Variants in SNX29 observed in about 807,000 individuals in gnomAD.
SNX29 encodes the protein sorting nexin 29.
A neutral mutation model predicts 102.1 loss-of-function variants in SNX29; 78 were observed. That is an observed-to-expected ratio of 0.76 (90% CI 0.64 to 0.92). The LOEUF (loss-of-function observed/expected upper bound fraction) is 0.92. SNX29 is among the 40% of genes least tolerant of loss of function. The pLI, the probability that SNX29 is intolerant of heterozygous loss-of-function variation, is 0.00. For synonymous variants in SNX29, 580 were observed against 414.5 expected (o/e 1.40, Z -4.85); for missense variants, 1,280 against 1,061.7 (o/e 1.21, Z -2.86).
At chr16:12,532,692 G>T (rs1046809107) in intron 20 of SNX29, among the ~76,000 whole-genome samples, 1 of 152,226 alleles carries the variant, frequency 6.6e-6, no homozygotes, top group African/African-American at 2.4e-5. Flanking sequence ...TACGAAGTCA[G>T]GGTCAGGTGC....
At chr16:12,245,342 A>G (rs1049680533) in intron 14 of SNX29, among the ~76,000 whole-genome samples, 4 of 152,170 alleles carry the variant, frequency 2.6e-5, no homozygotes, top group East Asian at 1.9e-4. Flanking sequence ...CATGATCCAT[A>G]TATTTAACAT....
chr16:12,563,117 T>C (rs80242523), intron 20 of SNX29, among the ~76,000 whole-genome samples: 39,471 of 151,550 alleles, frequency 0.26, 5,731 homozygotes, highest in East Asian at 0.44. Flanking sequence ...CAACAGAGCC[T>C]AGGAAAGGTC....
chr16:12,412,506 C>T (rs111407562), intron 18 of SNX29, among the ~76,000 whole-genome samples: 47 of 152,306 alleles, frequency 3.1e-4, no homozygotes, highest in South Asian at 2.3e-3. Flanking sequence ...ATTTTTCACA[C>T]GGGAGAGAGC....
chr16:12,516,995 C>G (rs2089894622), intron 19 of SNX29, among the ~76,000 whole-genome samples: 1 of 152,134 alleles, frequency 6.6e-6, no homozygotes, highest in Admixed American at 6.5e-5. Context: ...TTAACCTTTT[C>G]TGGAGGGAAG....
chr16:12,116,997 G>T (rs2053739973), intron 11 of SNX29, among the ~76,000 whole-genome samples: 1 of 151,384 alleles, frequency 6.6e-6, no homozygotes, highest in African/African-American at 2.4e-5. Flanking sequence ...ATGGAAACAG[G>T]CGTGGTCAAT....
chr16:12,060,888 C>T (rs1174764016), intron 8 of SNX29: 1 of 456,026 alleles, frequency 2.2e-6, no homozygotes, highest in Non-Finnish European at 4.4e-6. Flanking sequence ...AATAATTGAG[C>T]CGACTCCCTT....
intron 14 of SNX29, among the ~76,000 whole-genome samples, chr16:12,213,160 A>G (rs1465118210): frequency 2.6e-5 from 4 of 152,180 alleles, no homozygotes. Context: ...TCGGACATAA[A>G]GAATGGAATA....
chr16:12,118,112 G>GA (rs879565779), intron 11 of SNX29, among the ~76,000 whole-genome samples: 3 of 151,528 alleles, frequency 2.0e-5, no homozygotes, highest in Non-Finnish European at 4.4e-5. Flanking sequence ...TAAAAACAAA[G>GA]AAAAAAAACT....
intron 3 of SNX29, 86 bp from the exon 4 acceptor site, chr16:12,027,234 C>T (rs1263659291): frequency 3.2e-6 from 5 of 1,560,574 alleles, no homozygotes; most frequent in East Asian, 2.3e-5. Context: ...CACCTGGCGG[C>T]TTACTCACTT....
Position 12,215,021 on chromosome 16 carries a change from G to A in SNX29, c.1678+15338G>A, listed in dbSNP as rs539745687. Reference sequence around the variant, plus strand: ...GTGCCTGGTCCCTGGTGGGTTATCAGTAGACATTTGATGAATAAATGAGTG... The same window carrying A: ...GTGCCTGGTCCCTGGTGGGTTATCAATAGACATTTGATGAATAAATGAGTG... On this transcript the variant is annotated intron_variant, in intron 14 of 20. Transcript: ENST00000566228. Among the ~76,000 whole-genome samples the A allele has an allele frequency of 1.2e-4, 19 of 152,286 alleles. No individual in the cohort carries two copies. In the South Asian group the frequency reaches 2.9e-3, roughly 23 times the overall value.
chr16:12,275,710 G>A (rs1233905348), intron 14 of SNX29, among the ~76,000 whole-genome samples: 1 of 146,118 alleles, frequency 6.8e-6, no homozygotes, highest in Non-Finnish European at 1.5e-5. Flanking sequence ...TTTTTTGTGA[G>A]CGATGTCTTT....
chr16:12,350,067 C>A (rs531060560), intron 15 of SNX29, among the ~76,000 whole-genome samples: 1 of 152,320 alleles, frequency 6.6e-6, no homozygotes, highest in South Asian at 2.1e-4. Flanking sequence ...AGGTGGCACA[C>A]CCACACCAGT....
intron 11 of SNX29, among the ~76,000 whole-genome samples, chr16:12,095,704 C>T (rs1230430564): frequency 6.6e-6 from 1 of 152,136 alleles, no homozygotes; most frequent in Non-Finnish European, 1.5e-5. Context: ...CGATTGTTGC[C>T]TTCTTGCCCC....
At chr16:12,468,538 C>A (rs915522114) in intron 18 of SNX29, among the ~76,000 whole-genome samples, 2 of 152,140 alleles carry the variant, frequency 1.3e-5, no homozygotes, top group African/African-American at 4.8e-5. Context: ...GCGTGGTGCC[C>A]CTGGCAGAAC....
intron 3 of SNX29, among the ~76,000 whole-genome samples, chr16:12,004,961 C>G (rs576660169): frequency 3.3e-5 from 5 of 152,298 alleles, no homozygotes; most frequent in African/African-American, 1.2e-4. Context: ...AGATGTTTCT[C>G]TAGTGCCTAG....
chr16:11,987,365 C>T (rs986056069), intron 1 of SNX29, among the ~76,000 whole-genome samples: 14 of 150,870 alleles, frequency 9.3e-5, no homozygotes, highest in South Asian at 2.1e-4. Context: ...CCACTGCACC[C>T]GGCCTGGGCA....
Position 12,199,651 on chromosome 16 carries a change from A to G in SNX29, c.1646A>G (p.Gln549Arg). The G allele has an allele frequency of 6.2e-7, 1 of 1,613,284 alleles. No individual in the cohort carries two copies. The highest frequency in any genetic ancestry group is 8.5e-7 in the Non-Finnish European group (1 of 1,179,568). The change falls in exon 14 of 21, where the codon CAG (glutamine) becomes CGG (arginine). Residue 549 changes from glutamine (Q) to arginine (R), a missense_variant. By Grantham distance (43) the Gln-to-Arg change is conservative (BLOSUM62 1). Transcript: ENST00000566228. ...VQLKKYVGAV[Q>R]MLKREGQTAE... ...CTGAAGAAATATGTAGGAGCTGTCC[A>G]GATGCTGAAAAGAGAAGGTCAAACA...
chr16:12,052,142 A>C lies in SNX29; in HGVS notation c.1044A>C (p.Glu348Asp), dbSNP rs2151219816. The change falls in exon 8 of 21, where the codon GAA (glutamate) becomes GAC (aspartate). Residue 348 changes from glutamate (E) to aspartate (D), a missense_variant. Transcript: ENST00000566228. ...TTGATGTGAAAAGCATCGATGATGA[A>C]GATGTGGATGAAAACGAAGATGACG... ...QKLDVKSIDD[E>D]DVDENEDDVY... 3 of 1,613,946 alleles carry C rather than the reference A, an allele frequency of 1.9e-6. No homozygotes were observed. The East Asian group carries it at 6.7e-5, about 36-fold the overall frequency.
intron 14 of SNX29, among the ~76,000 whole-genome samples, chr16:12,242,610 C>G (rs1010527801): frequency 6.7e-6 from 1 of 150,166 alleles, no homozygotes; most frequent in African/African-American, 2.5e-5. Context: ...TCTTCTTCTT[C>G]TCTTCTTCCT....
Sources: allele counts gnomAD v4.1 joint callset (sites outside exome capture counted in the v4.1 genomes callset), GRCh38; gene constraint gnomAD v4.1.1; transcripts MANE v1.5; gene names NCBI Gene and HGNC (gene_info 2026-07-23, HGNC 2026-07-21).